ASTN1: variants seen among roughly 807,000 people sequenced by gnomAD.
ASTN1 encodes the protein astrotactin 1.
A neutral mutation model predicts 140.7 loss-of-function variants in ASTN1; 41 were observed. That is an observed-to-expected ratio of 0.29 (90% CI 0.23 to 0.38). The LOEUF (loss-of-function observed/expected upper bound fraction) is 0.38. ASTN1 is among the 10% of genes least tolerant of loss of function. The pLI, the probability that ASTN1 is intolerant of heterozygous loss-of-function variation, is 1.00. For missense variants in ASTN1, 1,479 were observed against 1,678.8 expected, an observed-to-expected ratio of 0.88 and a Z score of 2.08; for synonymous variants, 640 against 652.2, an observed-to-expected ratio of 0.98 and a Z score of 0.29.
chr1:177,002,320 G>A (rs1471910974), intron 8 of ASTN1, among the ~76,000 whole-genome samples: 1 of 151,860 alleles, frequency 6.6e-6, no homozygotes, highest in Non-Finnish European at 1.5e-5. Context: ...TTCACTAACT[G>A]TGATTCTGGT....
At chr1:176,887,788 GT>G (rs1480667967) in intron 18 of ASTN1, among the ~76,000 whole-genome samples, 5 of 152,024 alleles carry the variant, frequency 3.3e-5, no homozygotes. Flanking sequence ...TCAAGGAGAA[GT>G]TCAAGCGCCA....
intron 8 of ASTN1, among the ~76,000 whole-genome samples, chr1:176,981,094 C>T (rs1402668924): frequency 6.6e-6 from 1 of 151,300 alleles, no homozygotes; most frequent in African/African-American, 2.4e-5. Context: ...TGCCTGTAAT[C>T]CCAGCTACTA....
chr1:177,073,534 G>A (rs1040885422), intron 1 of ASTN1, among the ~76,000 whole-genome samples: 7 of 149,018 alleles, frequency 4.7e-5, no homozygotes, highest in African/African-American at 1.7e-4. Context: ...CTTGTATCAG[G>A]AGACTCATTC....
At chr1:177,019,850 GC>G (rs1675732566) in intron 7 of ASTN1, among the ~76,000 whole-genome samples, 1 of 152,064 alleles carries the variant, frequency 6.6e-6, no homozygotes, top group East Asian at 1.9e-4. Context: ...GCAAAACAAT[GC>G]TTTTTCTTTC....
intron 8 of ASTN1, among the ~76,000 whole-genome samples, chr1:176,998,367 A>T (rs1420504163): frequency 6.6e-6 from 1 of 152,200 alleles, no homozygotes; most frequent in African/African-American, 2.4e-5. Flanking sequence ...CTCATAAAAG[A>T]AGCTTATGGT....
At chr1:177,068,171 G>C (rs1678458632) in intron 1 of ASTN1, among the ~76,000 whole-genome samples, 2 of 152,186 alleles carry the variant, frequency 1.3e-5, no homozygotes, top group African/African-American at 4.8e-5. Context: ...TGGGAAAGGA[G>C]TTCTCATTGT....
At chr1:176,970,226 T>A (rs1371438250) in intron 8 of ASTN1, among the ~76,000 whole-genome samples, 2 of 152,178 alleles carry the variant, frequency 1.3e-5, no homozygotes, top group African/African-American at 2.4e-5. Flanking sequence ...GGGCCAGAGG[T>A]TGGCTGTGGC....
intron 8 of ASTN1, among the ~76,000 whole-genome samples, chr1:177,002,204 T>C (rs1270956706): frequency 1.3e-5 from 2 of 152,116 alleles, no homozygotes; most frequent in African/African-American, 4.8e-5. Context: ...GAAAGGTTAA[T>C]AAACTTGTTG....
chr1:176,944,630 C>T (rs556476609), intron 13 of ASTN1, among the ~76,000 whole-genome samples: 30 of 152,256 alleles, frequency 2.0e-4, no homozygotes, highest in Middle Eastern at 3.4e-3. Context: ...AAATACATGT[C>T]GGAGTAAGAC....
At chr1:176,932,723 C>G (rs78020483) in intron 16 of ASTN1, among the ~76,000 whole-genome samples, 3,220 of 152,262 alleles carry the variant, frequency 0.021, 51 homozygotes, top group Non-Finnish European at 0.033. Flanking sequence ...GGACAGAATT[C>G]CCTCTTGGAT....
At chr1:176,955,249 A>G (rs1256972703) in intron 11 of ASTN1, among the ~76,000 whole-genome samples, 1 of 152,140 alleles carries the variant, frequency 6.6e-6, no homozygotes, top group Non-Finnish European at 1.5e-5. Flanking sequence ...CAGCTGATAC[A>G]TTTGTCCCTG....
chr1:177,161,402 A>G (rs1343016521), intron 1 of ASTN1, among the ~76,000 whole-genome samples: 2 of 152,252 alleles, frequency 1.3e-5, no homozygotes, highest in African/African-American at 4.8e-5. Flanking sequence ...TTCCTAGTCC[A>G]AGCCAAGCCT....
chr1:177,027,713 A>AGTGTGTGTGTGTGTGT (rs56405518), intron 5 of ASTN1, among the ~76,000 whole-genome samples: 2 of 118,568 alleles, frequency 1.7e-5, no homozygotes, highest in African/African-American at 3.2e-5. Flanking sequence ...AACCCAGTAC[A>AGTGTGTGTGTGTGTGT]GTGTGTGTGT....
chr1:176,897,667 T>G (rs1669579514), intron 16 of ASTN1, among the ~76,000 whole-genome samples: 1 of 152,196 alleles, frequency 6.6e-6, no homozygotes, highest in Non-Finnish European at 1.5e-5. Flanking sequence ...GAGGTACAAT[T>G]TTTCTTTAAC....
chr1:176,981,806 G>A (rs997890981), intron 8 of ASTN1: 1 of 152,606 alleles, frequency 6.6e-6, no homozygotes, highest in African/African-American at 2.4e-5. Context: ...TGAACTAAGA[G>A]TTTCAGTCGT....
chr1:177,024,342 AC>A (rs1466028617), intron 6 of ASTN1, among the ~76,000 whole-genome samples: 1 of 152,198 alleles, frequency 6.6e-6, no homozygotes, highest in African/African-American at 2.4e-5. Context: ...CGTATTAAAA[AC>A]AAACAAAAAT....
At chr1:177,073,334 T>C (rs905679781) in intron 1 of ASTN1, among the ~76,000 whole-genome samples, 4 of 152,064 alleles carry the variant, frequency 2.6e-5, no homozygotes, top group African/African-American at 9.7e-5. Context: ...TTTGCGATTG[T>C]ACTATACTTT....
chr1:177,118,014 A>G (rs1179663671), intron 1 of ASTN1, among the ~76,000 whole-genome samples: 1 of 152,178 alleles, frequency 6.6e-6, no homozygotes, highest in Non-Finnish European at 1.5e-5. Context: ...ATATGTATAT[A>G]TATTTGTATG....
intron 16 of ASTN1, among the ~76,000 whole-genome samples, chr1:176,905,931 A>G (rs1047609684): frequency 3.9e-5 from 6 of 152,242 alleles, no homozygotes; most frequent in African/African-American, 1.4e-4. Context: ...CAAATGGTAC[A>G]GACAGCTGGA....
Sources: allele counts gnomAD v4.1 joint callset (sites outside exome capture counted in the v4.1 genomes callset), GRCh38; gene constraint gnomAD v4.1.1; transcripts MANE v1.5; gene names NCBI Gene and HGNC (gene_info 2026-07-23, HGNC 2026-07-21).